The following SCN1A variants were observed in gnomAD, a reference collection of about 807,000 sequenced individuals.
SCN1A encodes the protein sodium voltage-gated channel alpha subunit 1.
SCN1A carries 13 observed loss-of-function variants against 193.7 expected under a neutral mutation model. The observed-to-expected ratio is 0.07, with a 90% CI of 0.04 to 0.11. SCN1A has a LOEUF of 0.11. SCN1A is among the 10% of genes least tolerant of loss of function. The pLI is 1.00. For synonymous variants in SCN1A, 781 were observed against 843.6 expected, an observed-to-expected ratio of 0.93 and a Z score of 1.29; for missense variants, 1,432 against 2,451.1, an observed-to-expected ratio of 0.58 and a Z score of 8.78.
At chr2:166,128,931 C>T (rs551276397), upstream of SCN1A, among the ~76,000 whole-genome samples, 115 of 152,206 alleles carry the variant, frequency 7.6e-4, no homozygotes, top group African/African-American at 2.7e-3. Flanking sequence ...AAAATGGAAT[C>T]AGCCTTAAAC....
intron 13 of SCN1A, 32 bp downstream of exon 13, chr2:166,045,011 A>G (rs1360224660): frequency 1.9e-6 from 3 of 1,611,758 alleles, no homozygotes; most frequent in Non-Finnish European, 2.5e-6. Context: ...TTAATTTTCA[A>G]CCATGCATCA....
rs773788342 is a variant in SCN1A at position 166,054,812 on chromosome 2, T to C, written c.474-46A>G. ...AATTTGATAAAGTAACAGTGTTTTT[T>C]CATAGCATACCAATTTCTTATCACT... On this transcript the variant is annotated intron_variant, in intron 6 of 28. Coordinates refer to ENST00000674923, the MANE Select transcript of SCN1A (RefSeq NM_001165963.4). 1.9e-6 allele frequency: 3 copies of C among 1,575,864 alleles called. No individual in the cohort carries two copies. In the South Asian group the frequency reaches 3.4e-5, roughly 18 times the overall value.
chr2:166,112,580 C>T (rs1318974616), intron 2 of SCN1A, among the ~76,000 whole-genome samples: 1 of 152,084 alleles, frequency 6.6e-6, no homozygotes, highest in Non-Finnish European at 1.5e-5. Flanking sequence ...GTTCTTGCTG[C>T]CTGGCACAGA....
intron 22 of SCN1A, among the ~76,000 whole-genome samples, chr2:166,010,935 T>C (rs1261317516): frequency 6.6e-6 from 1 of 151,076 alleles, no homozygotes; most frequent in Non-Finnish European, 1.5e-5. Flanking sequence ...AAAGCTGATG[T>C]GTAATAAACA....
Position 166,054,879 on chromosome 2 carries a change from A to G in SCN1A, c.474-113T>C, listed in dbSNP as rs10930200. ...TAAATACTAAAAAAGAAAACTAAGC[A>G]GATGGATTTTAATTTCATACAAATG... is the stretch of plus-strand genomic sequence containing the variant. On this transcript the variant is annotated intron_variant, in intron 6 of 28. Coordinates refer to ENST00000674923, the MANE Select transcript of SCN1A (RefSeq NM_001165963.4). The G allele has an allele frequency of 4.6e-3, 4,371 of 940,344 alleles. 145 individuals are homozygous for G. The African/African-American group carries it at 0.064, about 14-fold the overall frequency. The allele number at this position is 940,344 out of a possible 1,614,324, so 58.3% of individuals were successfully genotyped here.
In SCN1A at chr2:166,043,574, C is replaced by A. The variant is rs567886192; in HGVS notation, c.2043+95G>T. The A allele has an allele frequency of 2.9e-6, 4 of 1,395,670 alleles. No individual in the cohort carries two copies. The South Asian group carries it at 5.7e-5, about 20-fold the overall frequency. 86.5% of individuals were successfully genotyped at this position (1,395,670 alleles called of 1,614,324 possible). ...GCAGGTGCATTCACAGCGTGACCAA[C>A]CAGGAATCATTCTCAAGGTTGCCGT... On this transcript the variant is annotated intron_variant, in intron 14 of 28. Transcript: ENST00000674923.
chr2:166,055,028 G>A (rs1698986316), intron 6 of SCN1A, among the ~76,000 whole-genome samples: 1 of 151,790 alleles, frequency 6.6e-6, no homozygotes, highest in Admixed American at 6.6e-5. Flanking sequence ...GAAATGTCTT[G>A]GTATTTATGT....
chr2:166,088,425 GA>G (rs11453672), intron 2 of SCN1A, among the ~76,000 whole-genome samples: 61 of 152,074 alleles, frequency 4.0e-4, no homozygotes, highest in African/African-American at 1.4e-3. Context: ...AATTGCTAAA[GA>G]AAAAAATGCA....
Position 166,036,217 on chromosome 2 carries a change from C to T in SCN1A, c.3260G>A (p.Gly1087Glu), listed in dbSNP as rs1234067672. Residue 1087 changes from glycine to glutamate, a missense_variant, in exon 19 of 29, where the codon GGA (glycine) becomes GAA (glutamate). Gly to Glu is a moderately conservative substitution (Grantham distance 98, BLOSUM62 -2). Coordinates refer to ENST00000674923, the MANE Select transcript of SCN1A (RefSeq NM_001165963.4). ...GTATTTTTCAACACTGCTGCCAGTT[C>T]CTATACCACTTGTAGTTCCATTTAC... is the stretch of plus-strand genomic sequence containing the variant. ...KDVNGTTSGI[G>E]TGSSVEKYII... 6.2e-7 allele frequency: 1 copy of T among 1,613,840 alleles called. No homozygotes were observed. Among genetic ancestry groups the T allele is most frequent in the Non-Finnish European group, 8.5e-7 (1 of 1,179,942 alleles).
intron 21 of SCN1A, among the ~76,000 whole-genome samples, chr2:166,012,562 T>C (rs1452523383): frequency 6.7e-6 from 1 of 149,634 alleles, no homozygotes; most frequent in Non-Finnish European, 1.5e-5. Context: ...CCATCCCAAC[T>C]TGAAGTTATG....
At chr2:166,044,144 C>T in intron 13 of SCN1A, 95 bp from the exon 14 acceptor site, 1 of 1,340,040 alleles carries the variant, frequency 7.5e-7, no homozygotes, top group Non-Finnish European at 1.0e-6. Context: ...GAGATTTCAG[C>T]ATTCATAACA....
chr2:166,036,941 A>C (rs1574174763), intron 18 of SCN1A, among the ~76,000 whole-genome samples: 1 of 152,308 alleles, frequency 6.6e-6, no homozygotes, highest in African/African-American at 2.4e-5. Context: ...ATTGGATGTC[A>C]ATTGAAAAAT....
intron 2 of SCN1A, among the ~76,000 whole-genome samples, chr2:166,093,773 A>G (rs921316383): frequency 1.3e-5 from 2 of 152,260 alleles, no homozygotes; most frequent in South Asian, 2.1e-4. Context: ...CTTTTGTTTT[A>G]AAACAAAAGA....
intron 2 of SCN1A, among the ~76,000 whole-genome samples, chr2:166,086,450 G>A (rs1376337541): frequency 2.0e-5 from 3 of 152,116 alleles, no homozygotes; most frequent in Non-Finnish European, 4.4e-5. Flanking sequence ...ATCCCACAAA[G>A]GGGCATGAAG....
chr2:166,140,115 T>A (rs1692021870), intron 1 of SCN1A, among the ~76,000 whole-genome samples: 1 of 152,126 alleles, frequency 6.6e-6, no homozygotes, highest in Non-Finnish European at 1.5e-5. Context: ...TCAGAGTAGT[T>A]GAGCATCTTG....
rs772280875 is a variant in SCN1A at position 166,052,821 on chromosome 2, G to A, written c.694+31C>T. The A allele has an allele frequency of 1.1e-5, 16 of 1,514,964 alleles. 1 individual carries two copies. In the Admixed American group the frequency reaches 1.7e-4, roughly 16 times the overall value. 93.8% of individuals were successfully genotyped at this position (1,514,964 alleles called of 1,614,324 possible). ...GAGAAGGATGCTGAATCACATGATG[G>A]GTCCGTCTCATTATCTAACCTTGCT... On this transcript the variant is annotated intron_variant, in intron 8 of 28. Transcript: ENST00000674923.
At chr2:166,020,099 A>G (rs1693831047) in intron 19 of SCN1A, among the ~76,000 whole-genome samples, 1 of 151,726 alleles carries the variant, frequency 6.6e-6, no homozygotes, top group South Asian at 2.1e-4. Context: ...TTTAGTAGAG[A>G]CAGGGTTTCA....
At chr2:166,137,067 T>A (rs550790834) in intron 1 of SCN1A, among the ~76,000 whole-genome samples, 1 of 152,294 alleles carries the variant, frequency 6.6e-6, no homozygotes, top group South Asian at 2.1e-4. Context: ...TGGTCTGCAT[T>A]CCTTGGAGTC....
At chr2:166,100,395 A>C (rs1301025768) in intron 2 of SCN1A, among the ~76,000 whole-genome samples, 1 of 149,374 alleles carries the variant, frequency 6.7e-6, no homozygotes, top group Non-Finnish European at 1.5e-5. Flanking sequence ...CGTTAGACCT[A>C]AAACCATAAA....
Sources: allele counts gnomAD v4.1 joint callset (sites outside exome capture counted in the v4.1 genomes callset), GRCh38; gene constraint gnomAD v4.1.1; transcripts MANE v1.5; gene names NCBI Gene and HGNC (gene_info 2026-07-23, HGNC 2026-07-21).